The following DLGAP1 variants were observed in gnomAD, a reference collection of about 807,000 sequenced individuals.
The protein encoded by DLGAP1 is DLG associated protein 1, also known as disks large-associated protein 1.
Under a neutral mutation model 90.8 loss-of-function variants are expected in DLGAP1, and 11 were observed. The observed-to-expected ratio is 0.12, with a 90% CI of 0.08 to 0.20. The LOEUF (loss-of-function observed/expected upper bound fraction) is 0.20. DLGAP1 is among the 10% of genes least tolerant of loss of function. The pLI, the probability that DLGAP1 is intolerant of heterozygous loss-of-function variation, is 1.00. For synonymous variants in DLGAP1, 558 were observed against 540.7 expected, an observed-to-expected ratio of 1.03 and a Z score of -0.44; for missense variants, 1,050 against 1,333.8, an observed-to-expected ratio of 0.79 and a Z score of 3.31.
intron 3 of DLGAP1, among the ~76,000 whole-genome samples, chr18:3,918,218 T>C (rs2072188802): frequency 6.6e-6 from 1 of 152,224 alleles, no homozygotes; most frequent in Admixed American, 6.5e-5. Context: ...ACTGGGCTAG[T>C]GGACCAAATA....
chr18:4,194,588 TTTTA>T (rs1366688261), intron 1 of DLGAP1, among the ~76,000 whole-genome samples: 1 of 152,198 alleles, frequency 6.6e-6, no homozygotes, highest in Non-Finnish European at 1.5e-5. Flanking sequence ...AGCCTAGTGT[TTTTA>T]TTTAATATTT....
intron 3 of DLGAP1, among the ~76,000 whole-genome samples, chr18:3,956,506 G>A (rs1486957599): frequency 1.3e-5 from 2 of 152,014 alleles, no homozygotes; most frequent in African/African-American, 4.8e-5. Flanking sequence ...CCGCCACCAT[G>A]CCCAGCTAAC....
chr18:4,139,794 G>A (rs2076466026), intron 2 of DLGAP1, among the ~76,000 whole-genome samples: 1 of 151,954 alleles, frequency 6.6e-6, no homozygotes, highest in African/African-American at 2.4e-5. Context: ...GTGCTCCAGT[G>A]TTGGGTGTAA....
chr18:4,153,606 C>G (rs543288471), intron 1 of DLGAP1, among the ~76,000 whole-genome samples: 2 of 152,120 alleles, frequency 1.3e-5, no homozygotes, highest in Non-Finnish European at 2.9e-5. Flanking sequence ...AGAACAAGTA[C>G]ACTATAATTA....
chr18:4,013,430 C>T (rs1480001123), intron 2 of DLGAP1, among the ~76,000 whole-genome samples: 1 of 152,128 alleles, frequency 6.6e-6, no homozygotes, highest in East Asian at 1.9e-4. Flanking sequence ...TCTGACCCTA[C>T]AGTCTTCCTT....
At chr18:4,054,569 A>G (rs1339702057) in intron 2 of DLGAP1, among the ~76,000 whole-genome samples, 5 of 151,970 alleles carry the variant, frequency 3.3e-5, no homozygotes, top group Non-Finnish European at 7.4e-5. Flanking sequence ...ACGTTGGTGT[A>G]AGTATTAAGG....
chr18:4,380,599 G>A (rs2082094938), intron 1 of DLGAP1, among the ~76,000 whole-genome samples: 1 of 152,108 alleles, frequency 6.6e-6, no homozygotes. Flanking sequence ...GGGATATAAT[G>A]GAGAATAGAA....
At chr18:4,321,674 G>C (rs918721990) in intron 1 of DLGAP1, among the ~76,000 whole-genome samples, 6 of 151,994 alleles carry the variant, frequency 3.9e-5, no homozygotes, top group Non-Finnish European at 8.8e-5. Flanking sequence ...AACCAATTCG[G>C]TTAAATAATA....
At chr18:3,549,999 C>T (rs1211458259) in intron 9 of DLGAP1, among the ~76,000 whole-genome samples, 1 of 151,816 alleles carries the variant, frequency 6.6e-6, no homozygotes, top group African/African-American at 2.4e-5. Flanking sequence ...CCACAACCTC[C>T]ACCTTTCGGG....
intron 2 of DLGAP1, among the ~76,000 whole-genome samples, chr18:4,134,922 T>G (rs2076376020): frequency 2.0e-5 from 3 of 151,910 alleles, no homozygotes; most frequent in Admixed American, 2.0e-4. Flanking sequence ...CAGTGGATCT[T>G]CCAAGAATGT....
chr18:3,551,491 T>C (rs1420359704), intron 9 of DLGAP1, among the ~76,000 whole-genome samples: 10 of 151,700 alleles, frequency 6.6e-5, no homozygotes, highest in Admixed American at 6.6e-4. Context: ...TCAGGTGATC[T>C]GCCCTCCTGG....
chr18:3,700,336 T>G (rs183550559), intron 7 of DLGAP1, among the ~76,000 whole-genome samples: 37 of 152,298 alleles, frequency 2.4e-4, no homozygotes, highest in Admixed American at 1.3e-4. Context: ...GCACTGTTCC[T>G]CACAGCACAG....
rs143504429 is a variant in DLGAP1 at position 3,848,862 on chromosome 18, C to A, written c.957+30250G>T. Among the ~76,000 whole-genome samples the A allele has an allele frequency of 1.5e-4, 23 of 152,312 alleles. No homozygotes were observed. In the East Asian group the frequency reaches 4.4e-3, roughly 29 times the overall value. ...CACTGTCCTTCTCCTTCCACTCCAT[C>A]CAAAAGGATGTTTTCAGAGGGCAAA... On this transcript the variant is annotated intron_variant, in intron 4 of 12. Transcript: ENST00000315677.
intron 3 of DLGAP1, among the ~76,000 whole-genome samples, chr18:3,888,103 A>C (rs1194640213): frequency 2.9e-5 from 3 of 102,642 alleles, no homozygotes; most frequent in Admixed American, 1.1e-4. Flanking sequence ...GTGAGACTCC[A>C]TCTCAAAAAA....
chr18:4,048,189 T>C (rs2119846), intron 2 of DLGAP1, among the ~76,000 whole-genome samples: 16,944 of 152,228 alleles, frequency 0.11, 1,272 homozygotes, highest in South Asian at 0.31. Flanking sequence ...ACAAATTAAA[T>C]GTAGAATTGT....
At chr18:3,708,739 G>A (rs1212389826) in intron 7 of DLGAP1, among the ~76,000 whole-genome samples, 4 of 152,224 alleles carry the variant, frequency 2.6e-5, no homozygotes, top group African/African-American at 9.6e-5. Context: ...AAAAGGACCT[G>A]AATTAGCTTT....
intron 7 of DLGAP1, among the ~76,000 whole-genome samples, chr18:3,685,889 G>A (rs1182750587): frequency 2.6e-5 from 4 of 152,088 alleles, no homozygotes; most frequent in African/African-American, 7.2e-5. Flanking sequence ...AGGGAATGCT[G>A]TAGGCCGGAG....
rs572335878 is a variant in DLGAP1, at chr18:3,912,300, G to A, written c.-72-32160C>T. 1.2e-4 allele frequency among the ~76,000 whole-genome samples: 18 copies of A among 152,304 alleles called. No individual in the cohort carries two copies. In the East Asian group the frequency reaches 3.1e-3, roughly 26 times the overall value. On this transcript the variant is annotated intron_variant, in intron 3 of 12. Coordinates refer to ENST00000315677, the MANE Select transcript of DLGAP1 (RefSeq NM_004746.4). ...AATAACTGTTGTCAGAGCACCTACTGTGTTAAGTTCTGTGGGGGAAATGCA... is the reference window on the plus strand; with the variant it reads ...AATAACTGTTGTCAGAGCACCTACTATGTTAAGTTCTGTGGGGGAAATGCA...
At chr18:3,984,353 TATCACCTCA>T (rs2073799829) in intron 3 of DLGAP1, 1 of 152,224 alleles carries the variant, frequency 6.6e-6, no homozygotes, top group Non-Finnish European at 1.5e-5. Flanking sequence ...TCAGAGGTCA[TATCACCTCA>T]ATTACCCCAA....
Sources: gnomAD v4.1 joint callset for allele counts (sites outside exome capture counted in the v4.1 genomes callset) on GRCh38, gnomAD v4.1.1 for gene constraint, MANE v1.5 for transcripts, NCBI Gene and HGNC (gene_info 2026-07-23, HGNC 2026-07-21) for gene names.